GFOD1: variants seen among roughly 807,000 people sequenced by gnomAD.
GFOD1 encodes glucose-fructose oxidoreductase domain-containing protein 1.
In GFOD1, 9 loss-of-function variants were observed where a neutral mutation model predicts 25.4. That is an observed-to-expected ratio of 0.35 (90% CI 0.21 to 0.62). GFOD1 has a LOEUF of 0.62. Ranked by LOEUF, GFOD1 falls within the 20% of genes least tolerant of loss-of-function variation. GFOD1 has a pLI of 0.72. For missense variants in GFOD1, 403 were observed against 556.9 expected, an observed-to-expected ratio of 0.72 and a Z score of 2.78; for synonymous variants, 253 against 245.6, an observed-to-expected ratio of 1.03 and a Z score of -0.28.
At chr6:13,406,394 G>C (rs541532018) in intron 1 of GFOD1, among the ~76,000 whole-genome samples, 1 of 152,154 alleles carries the variant, frequency 6.6e-6, no homozygotes, top group Non-Finnish European at 1.5e-5. Flanking sequence ...CCCTCTGAAG[G>C]ACAGCTTGTG....
chr6:13,437,413 T>C (rs1757850522), intron 1 of GFOD1, among the ~76,000 whole-genome samples: 1 of 152,218 alleles, frequency 6.6e-6, no homozygotes, highest in African/African-American at 2.4e-5. Context: ...TCTGCAAGGC[T>C]AGAATTGCTC....
intron 1 of GFOD1, among the ~76,000 whole-genome samples, chr6:13,412,104 T>C (rs1297781552): frequency 6.6e-6 from 1 of 152,172 alleles, no homozygotes; most frequent in East Asian, 1.9e-4. Flanking sequence ...GCTATGAGGG[T>C]TAGACTGCCA....
Position 13,430,331 on chromosome 6 carries a change from G to A in GFOD1, c.253+56307C>T, listed in dbSNP as rs913097830. ...ACACATCTATAATCCCAGCTACTTG[G>A]GAAGCTGAGGCAGGAGAATCACTTG... On this transcript the variant is annotated intron_variant, in intron 1 of 1. Coordinates refer to ENST00000379287, the MANE Select transcript of GFOD1 (RefSeq NM_018988.4). The surrounding 1 kb of genome is among the most constrained non-coding windows in gnomAD (Gnocchi z 4.1). Among the ~76,000 whole-genome samples the A allele has an allele frequency of 2.0e-5, 3 of 152,120 alleles. No individual in the cohort carries two copies. The highest frequency in any genetic ancestry group is 2.9e-5 in the Non-Finnish European group (2 of 68,026).
Position 13,478,181 on chromosome 6 carries a change from C to T in GFOD1, c.253+8457G>A, listed in dbSNP as rs559771528. ...GACAGAGTTTTTTTCATTTTGTTGC[C>T]CAGGCTGGAGTGCAATGGTGCAATC... On this transcript the variant is annotated intron_variant, in intron 1 of 1. Coordinates refer to ENST00000379287, the MANE Select transcript of GFOD1 (RefSeq NM_018988.4). Among the ~76,000 whole-genome samples, 16 of 151,938 alleles carry T rather than the reference C, an allele frequency of 1.1e-4. No homozygotes were observed. In the South Asian group the frequency reaches 3.1e-3, roughly 30 times the overall value.
At chr6:13,437,299 T>C (rs565156089) in intron 1 of GFOD1, among the ~76,000 whole-genome samples, 40 of 152,262 alleles carry the variant, frequency 2.6e-4, no homozygotes, top group African/African-American at 7.7e-4. Flanking sequence ...TCATCCTTTC[T>C]CTAACCACAG....
At chr6:13,453,506 G>A (rs1166711737) in intron 1 of GFOD1, among the ~76,000 whole-genome samples, 1 of 152,214 alleles carries the variant, frequency 6.6e-6, no homozygotes, top group East Asian at 1.9e-4. Flanking sequence ...CAATTATTGA[G>A]TCATTTGAAG....
chr6:13,380,356 C>T (rs1016767243), intron 1 of GFOD1, among the ~76,000 whole-genome samples: 5 of 152,326 alleles, frequency 3.3e-5, no homozygotes, highest in African/African-American at 1.2e-4. Context: ...AAAGTTATTA[C>T]TGAGATGTAG....
chr6:13,364,404 G>C lies in GFOD1; in HGVS notation c.*339C>G. The C allele has an allele frequency of 2.8e-5, 8 of 286,888 alleles. No individual in the cohort carries two copies. The highest frequency in any genetic ancestry group is 7.3e-5 in the East Asian group (1 of 13,742). 17.8% of individuals were successfully genotyped at this position (286,888 alleles called of 1,614,324 possible). ...TGCAGAAGGCCAAGGTGTGTGGGATGGATGAGGTAGGGAGGGAAGCAACCC... is the reference window on the plus strand; with the variant it reads ...TGCAGAAGGCCAAGGTGTGTGGGATCGATGAGGTAGGGAGGGAAGCAACCC... On this transcript the variant is annotated 3_prime_UTR_variant, in exon 2 of 2. Transcript: ENST00000379287. The surrounding 1 kb of genome is among the most constrained non-coding windows in gnomAD (Gnocchi z 4.1).
Position 13,367,816 on chromosome 6 carries a change from C to A in GFOD1, c.254-2154G>T, listed in dbSNP as rs909638105. On this transcript the variant is annotated intron_variant, in intron 1 of 1. Coordinates refer to ENST00000379287, the MANE Select transcript of GFOD1 (RefSeq NM_018988.4). ...GTTAGCAAGTCAGATAAAACAGACG[C>A]TAGGCAAAAAGACTTGGGAGTCAAA... Among the ~76,000 whole-genome samples the A allele has an allele frequency of 2.6e-5, 4 of 151,466 alleles. No homozygotes were observed. In the South Asian group the frequency reaches 6.2e-4, roughly 24 times the overall value.
At chr6:13,397,159 G>A (rs375046876) in intron 1 of GFOD1, among the ~76,000 whole-genome samples, 1 of 152,100 alleles carries the variant, frequency 6.6e-6, no homozygotes, top group South Asian at 2.1e-4. Flanking sequence ...CAGTGGTCTC[G>A]AACTCCTGGA....
chr6:13,393,060 G>A (rs10948658), intron 1 of GFOD1, among the ~76,000 whole-genome samples: 2 of 151,764 alleles, frequency 1.3e-5, no homozygotes, highest in East Asian at 1.9e-4. Context: ...AGACCTTATC[G>A]AAAGAAGAAA....
In GFOD1 at chr6:13,358,869, G is replaced by T. The variant is rs1784906518; in HGVS notation, c.*5874C>A. The T allele has an allele frequency of 6.6e-6, 1 of 152,286 alleles. No homozygotes were observed. The highest frequency in any genetic ancestry group is 1.5e-5 in the Non-Finnish European group (1 of 68,064). The allele number at this position is 152,286 out of a possible 1,614,324, so 9.4% of individuals were successfully genotyped here. On this transcript the variant is annotated 3_prime_UTR_variant, in exon 2 of 2. Coordinates refer to ENST00000379287, the MANE Select transcript of GFOD1 (RefSeq NM_018988.4). ...CTTTTCATGACTCTATTCACTGCTGGTGTAAACAGAAAGGAGTATTCAGTA... is the reference window on the plus strand; with the variant it reads ...CTTTTCATGACTCTATTCACTGCTGTTGTAAACAGAAAGGAGTATTCAGTA...
intron 1 of GFOD1, among the ~76,000 whole-genome samples, chr6:13,390,780 A>AAAGGAAGAAAGGAAGG (rs1554200642): frequency 1.7e-5 from 2 of 117,904 alleles, no homozygotes; most frequent in Non-Finnish European, 3.6e-5. Context: ...AGAGAGAGAG[A>AAAGGAAGAAAGGAAGG]AAGGAAGGAA....
chr6:13,380,492 T>C (rs910783021), intron 1 of GFOD1, among the ~76,000 whole-genome samples: 2 of 152,134 alleles, frequency 1.3e-5, no homozygotes, highest in African/African-American at 2.4e-5. Context: ...GTGAATATCA[T>C]GATGGGGTGC....
chr6:13,406,458 C>G (rs1365654984), intron 1 of GFOD1, among the ~76,000 whole-genome samples: 1 of 148,576 alleles, frequency 6.7e-6, no homozygotes, highest in African/African-American at 2.6e-5. Flanking sequence ...AGAAAGGGCG[C>G]CTGTATTCAC....
rs141872405 is a variant in GFOD1, at chr6:13,448,260, G to A, written c.253+38378C>T. The stretch of plus-strand genomic sequence containing the variant: ...GGGACAATCATCTTATACATGGAAC[G>A]CTAATGTACTCGTTCATTTACCTGT... On this transcript the variant is annotated intron_variant, in intron 1 of 1. Coordinates refer to ENST00000379287, the MANE Select transcript of GFOD1 (RefSeq NM_018988.4). 9.1e-4 allele frequency among the ~76,000 whole-genome samples: 138 copies of A among 152,266 alleles called. 4 individuals carry two copies. The East Asian group carries it at 0.016, about 18-fold the overall frequency.
chr6:13,459,478 A>G (rs1312451985), intron 1 of GFOD1, among the ~76,000 whole-genome samples: 1 of 152,142 alleles, frequency 6.6e-6, no homozygotes, highest in Non-Finnish European at 1.5e-5. Context: ...TGCCAAAAGC[A>G]ATTGCAACAA....
chr6:13,392,343 C>CAA (rs1035923592), intron 1 of GFOD1, among the ~76,000 whole-genome samples: 69 of 61,476 alleles, frequency 1.1e-3, no homozygotes, highest in African/African-American at 3.5e-3. Flanking sequence ...GACCCTATCT[C>CAA]AAAAAAAAAA....
At chr6:13,439,357 T>C (rs2127571727) in intron 1 of GFOD1, among the ~76,000 whole-genome samples, 1 of 151,414 alleles carries the variant, frequency 6.6e-6, no homozygotes, top group South Asian at 2.1e-4. Context: ...CCCTCAATGC[T>C]TCTCTGCAAC....
Sources: gnomAD v4.1 joint callset for allele counts (sites outside exome capture counted in the v4.1 genomes callset) on GRCh38, gnomAD v4.1.1 for gene constraint, Gnocchi (gnomAD v3.1) non-coding constraint, MANE v1.5 for transcripts, NCBI Gene and HGNC (gene_info 2026-07-23, HGNC 2026-07-21) for gene names.